TSPAN11: variants seen among roughly 807,000 people sequenced by gnomAD.
TSPAN11 encodes tetraspanin 11.
In TSPAN11, 29 loss-of-function variants were observed where a neutral mutation model predicts 32.9. The ratio of observed to expected loss-of-function variants is 0.88; its 90% CI spans 0.66 to 1.20. TSPAN11 has a LOEUF of 1.20. Ranked by LOEUF, TSPAN11 falls within the 50% of genes most tolerant of loss-of-function variation. TSPAN11 has a pLI of 0.00. For synonymous variants in TSPAN11, 140 were observed against 141.3 expected (o/e 0.99, Z 0.07); for missense variants, 283 against 329.1 (o/e 0.86, Z 1.08).
At chr12:30,941,374 G>A (rs1443249770) in intron 1 of TSPAN11, among the ~76,000 whole-genome samples, 3 of 152,158 alleles carry the variant, frequency 2.0e-5, no homozygotes, top group East Asian at 1.9e-4. Context: ...CACTAGCCAC[G>A]GTTATTCCTA....
At chr12:30,928,581 C>T (rs1937850584) in intron 1 of TSPAN11, among the ~76,000 whole-genome samples, 1 of 152,154 alleles carries the variant, frequency 6.6e-6, no homozygotes, top group South Asian at 2.1e-4. Flanking sequence ...TATGTGATAG[C>T]TGTTTAGTAG....
intron 5 of TSPAN11, among the ~76,000 whole-genome samples, chr12:30,980,792 C>T (rs373300958): frequency 1.4e-4 from 22 of 152,276 alleles, no homozygotes; most frequent in East Asian, 7.7e-4. Flanking sequence ...ACACTCGCAC[C>T]CCATGGGCTT....
chr12:30,929,819 A>G lies in TSPAN11; in HGVS notation c.-12+3023A>G, dbSNP rs577630755. Among the ~76,000 whole-genome samples, 11 of 152,282 alleles carry G rather than the reference A, an allele frequency of 7.2e-5. No homozygotes were observed. In the South Asian group the frequency reaches 2.3e-3, roughly 32 times the overall value. On this transcript the variant is annotated intron_variant, in intron 1 of 7. Transcript: ENST00000546076. ...GTTTCCAAGCTCTCCTCCACGTAAA[A>G]TAGTCTCTTGTGCTGCCTTTTCCTA...
chr12:30,987,935 A>C (rs1228316273), intron 7 of TSPAN11, among the ~76,000 whole-genome samples: 2 of 152,234 alleles, frequency 1.3e-5, no homozygotes, highest in Non-Finnish European at 2.9e-5. Context: ...AGAACTTTTT[A>C]ACAATTTGAA....
chr12:30,946,239 A>G (rs1453094419), intron 1 of TSPAN11, among the ~76,000 whole-genome samples: 1 of 152,224 alleles, frequency 6.6e-6, no homozygotes, highest in Admixed American at 6.5e-5. Flanking sequence ...AATGGGGATC[A>G]TTAGTCACCC....
the TSPAN11 span, among the ~76,000 whole-genome samples, chr12:31,011,750 C>T: frequency 6.6e-6 from 1 of 152,244 alleles, no homozygotes; most frequent in Admixed American, 6.5e-5. Flanking sequence ...TGCTGTCCTC[C>T]CTATACCAGC....
At chr12:30,967,774 G>T (rs573127216) in intron 3 of TSPAN11, among the ~76,000 whole-genome samples, 1 of 100,962 alleles carries the variant, frequency 9.9e-6, no homozygotes, top group African/African-American at 3.9e-5. Flanking sequence ...CTGCCAGGGC[G>T]CTAGCAAACA....
intron 5 of TSPAN11, among the ~76,000 whole-genome samples, chr12:30,980,197 A>G (rs764760581): frequency 6.6e-6 from 1 of 152,242 alleles, no homozygotes; most frequent in Non-Finnish European, 1.5e-5. Flanking sequence ...TCTCCTAAGA[A>G]GACATGCAGC....
At chr12:30,948,164 A>G (rs1156419424) in intron 1 of TSPAN11, among the ~76,000 whole-genome samples, 1 of 152,182 alleles carries the variant, frequency 6.6e-6, no homozygotes, top group Non-Finnish European at 1.5e-5. Flanking sequence ...CTCTGCTCCT[A>G]TGGCTTTGCA....
chr12:31,012,541 G>A, the TSPAN11 span: 2 of 152,244 alleles, frequency 1.3e-5, no homozygotes, highest in Non-Finnish European at 1.5e-5. Flanking sequence ...GATCTGAGAT[G>A]TCCGTCCTCC....
At position 30,971,178 on chromosome 12, in the gene TSPAN11, G is replaced by GTGAA. The variant is rs1327880762; in HGVS notation, c.276+7161_276+7162insTGAA. On this transcript the variant is annotated intron_variant, in intron 3 of 7. Transcript: ENST00000546076. ...TGCCTGGACTGCCTTGACTAGATAT[G>GTGAA]GCTTGGCAGGAAGCTTCACAAACCC... Among the ~76,000 whole-genome samples the GTGAA allele has an allele frequency of 2.0e-5, 3 of 152,286 alleles. No individual in the cohort carries two copies. The East Asian group carries it at 5.8e-4, about 29-fold the overall frequency.
intron 2 of TSPAN11, chr12:30,955,374 TGA>T (rs1201254450): frequency 1.3e-5 from 2 of 152,254 alleles, no homozygotes; most frequent in African/African-American, 4.8e-5. Context: ...GTTTCCATTC[TGA>T]GAGACAAATC....
chr12:30,933,202 T>C (rs1311761593), intron 1 of TSPAN11, among the ~76,000 whole-genome samples: 9 of 152,148 alleles, frequency 5.9e-5, no homozygotes, highest in Admixed American at 5.2e-4. Flanking sequence ...TCACAGTCAC[T>C]CTCTGGGTGA....
At chr12:31,010,102 A>G in the TSPAN11 span, among the ~76,000 whole-genome samples, 1 of 152,198 alleles carries the variant, frequency 6.6e-6, no homozygotes, top group Non-Finnish European at 1.5e-5. Context: ...AGAGTGCAGG[A>G]AAGAAATGAT....
At position 30,963,878 on chromosome 12, in the gene TSPAN11, G is replaced by C; in HGVS notation, c.137G>C (p.Ser46Thr). 1 of 1,612,860 alleles carries C rather than the reference G, an allele frequency of 6.2e-7. No individual in the cohort carries two copies. Among genetic ancestry groups the C allele is most frequent in the East Asian group, 2.2e-5 (1 of 44,886 alleles). Residue 46 changes from serine (S) to threonine (T), a missense_variant, in exon 3 of 8, where the codon AGT becomes ACT. Transcript: ENST00000546076. The part of the protein sequence containing the change: ...AVGIWTLVEK[S>T]GYLSVLASST... ...GGCATCTGGACCCTGGTGGAGAAGA[G>C]TGGCTACCTCAGCGTCCTGGCCTCC...
intron 1 of TSPAN11, among the ~76,000 whole-genome samples, chr12:30,930,860 G>A (rs897250902): frequency 1.3e-5 from 2 of 152,190 alleles, no homozygotes; most frequent in Admixed American, 6.5e-5. Context: ...CTGGCCATGC[G>A]ACTTCCACTC....
chr12:30,978,797 G>GA, intron 4 of TSPAN11, 162 bp downstream of exon 4: 1 of 652,220 alleles, frequency 1.5e-6, no homozygotes, highest in Non-Finnish European at 2.7e-6. Flanking sequence ...CCAGCTGCTG[G>GA]TCCTGGCTCC....
intron 3 of TSPAN11, among the ~76,000 whole-genome samples, chr12:30,965,217 C>A (rs1938704675): frequency 6.6e-6 from 1 of 152,206 alleles, no homozygotes; most frequent in African/African-American, 2.4e-5. Context: ...AACCCCTCTC[C>A]TCTGCAGTGT....
chr12:31,011,814 C>T, the TSPAN11 span, among the ~76,000 whole-genome samples: 4 of 152,336 alleles, frequency 2.6e-5, no homozygotes, highest in African/African-American at 9.6e-5. Context: ...AGGTGTATGG[C>T]GGCAAAGGCT....
Sources: allele counts gnomAD v4.1 joint callset (sites outside exome capture counted in the v4.1 genomes callset), GRCh38; gene constraint gnomAD v4.1.1; transcripts MANE v1.5; gene names NCBI Gene and HGNC (gene_info 2026-07-23, HGNC 2026-07-21).